Variants in TBPL2 observed in about 807,000 individuals in gnomAD.
TBPL2 encodes TATA box-binding protein-like 2.
Under a neutral mutation model 38.2 loss-of-function variants are expected in TBPL2, and 40 were observed. The observed-to-expected ratio is 1.05, with a 90% CI of 0.81 to 1.36. The LOEUF (loss-of-function observed/expected upper bound fraction) is 1.36. Among genes scored for constraint, TBPL2 ranks in the 40% most tolerant of loss-of-function variants. The probability of loss-of-function intolerance (pLI) is 0.00; values close to 1 mark genes in which losing one functional copy is unlikely to be tolerated. For missense variants in TBPL2, 461 were observed against 456.7 expected (o/e 1.01, Z -0.09); for synonymous variants, 169 against 171.7 (o/e 0.98, Z 0.12).
intron 1 of TBPL2, among the ~76,000 whole-genome samples, chr14:55,437,247 C>T (rs1886031752): frequency 6.6e-6 from 1 of 152,242 alleles, no homozygotes; most frequent in African/African-American, 2.4e-5. Flanking sequence ...AAGGCTGAGG[C>T]AGGCGGATGG....
Position 55,422,169 on chromosome 14 carries a change from A to G in TBPL2, c.1051+1990T>C, listed in dbSNP as rs145822735. Among the ~76,000 whole-genome samples the G allele has an allele frequency of 7.8e-3, 1,186 of 152,318 alleles. 9 individuals are homozygous for G. The highest frequency in any genetic ancestry group is 0.022 in the African/African-American group (917 of 41,560). On this transcript the variant is annotated intron_variant, in intron 6 of 6. Coordinates refer to ENST00000247219, the Ensembl canonical transcript of TBPL2. ...CAAAAGGAGTCATCCAAAATTAATG[A>G]GAAGATATGTAGCGTTAAGTTGGTT...
At chr14:55,429,242 T>C (rs1271437262) in intron 4 of TBPL2, among the ~76,000 whole-genome samples, 1 of 152,248 alleles carries the variant, frequency 6.6e-6, no homozygotes, top group Non-Finnish European at 1.5e-5. Flanking sequence ...TACTTTTACT[T>C]GGGTGTTATT....
chr14:55,429,012 G>A (rs775437856), intron 4 of TBPL2, 38 bp from the exon 5 acceptor site: 11 of 1,607,054 alleles, frequency 6.8e-6, no homozygotes, highest in South Asian at 3.3e-5. Flanking sequence ...TGTCTTAATC[G>A]CTACATCCTC....
intron 4 of TBPL2, among the ~76,000 whole-genome samples, chr14:55,430,375 A>G (rs985887771): frequency 7.9e-5 from 11 of 139,616 alleles, no homozygotes; most frequent in Non-Finnish European, 1.4e-4. Flanking sequence ...ACCTCATTTA[A>G]TGTTGATTCT....
intron 4 of TBPL2, among the ~76,000 whole-genome samples, chr14:55,430,848 A>G (rs764576043): frequency 1.3e-5 from 2 of 152,184 alleles, no homozygotes; most frequent in Non-Finnish European, 2.9e-5. Context: ...TTTGAACTAC[A>G]TTTTGCCTAA....
chr14:55,432,045 C>T (rs369927805), intron 4 of TBPL2, among the ~76,000 whole-genome samples: 1 of 151,902 alleles, frequency 6.6e-6, no homozygotes, highest in African/African-American at 2.4e-5. Context: ...AAGGGCAAAG[C>T]CAAATGTAGA....
intron 6 of TBPL2, among the ~76,000 whole-genome samples, chr14:55,420,768 G>T (rs1885729756): frequency 6.6e-6 from 1 of 152,074 alleles, no homozygotes; most frequent in South Asian, 2.1e-4. Flanking sequence ...CTTTTTAAAA[G>T]AAATTTGGGG....
At chr14:55,425,247 C>T (rs1594790960) in intron 5 of TBPL2, among the ~76,000 whole-genome samples, 1 of 152,102 alleles carries the variant, frequency 6.6e-6, no homozygotes, top group East Asian at 1.9e-4. Context: ...CTGCAGGGAG[C>T]CTGTCAAGAC....
At chr14:55,439,930 C>CAAAAAAAAAAAAAAAAA (rs71131272) in intron 1 of TBPL2, among the ~76,000 whole-genome samples, 16 of 39,166 alleles carry the variant, frequency 4.1e-4, no homozygotes, top group East Asian at 2.5e-3. Context: ...GACTCTGTCT[C>CAAAAAAAAAAAAAAAAA]AAAAAAAAAA....
intron 3 of TBPL2, among the ~76,000 whole-genome samples, 167 bp downstream of exon 3, chr14:55,435,680 G>A (rs1236959614): frequency 6.6e-6 from 1 of 152,124 alleles, no homozygotes; most frequent in East Asian, 1.9e-4. Context: ...TAAAGAATGA[G>A]ATTATTTTTT....
At chr14:55,424,002 A>G (rs1885782850) in intron 6 of TBPL2, among the ~76,000 whole-genome samples, 157 bp downstream of exon 6, 1 of 152,210 alleles carries the variant, frequency 6.6e-6, no homozygotes, top group South Asian at 2.1e-4. Flanking sequence ...AGGTACTGGG[A>G]CCTATGGGTG....
intron 1 of TBPL2, among the ~76,000 whole-genome samples, chr14:55,438,523 C>T (rs911494244): frequency 3.3e-5 from 5 of 152,154 alleles, no homozygotes; most frequent in African/African-American, 9.7e-5. Context: ...CCGCAATTTA[C>T]GCTAAAGCAC....
At chr14:55,427,015 C>T (rs1483386052) in intron 5 of TBPL2, among the ~76,000 whole-genome samples, 1 of 152,130 alleles carries the variant, frequency 6.6e-6, no homozygotes, top group East Asian at 1.9e-4. Context: ...CCTTAGAGTT[C>T]GGGCAGAGCT....
rs377523629 is a variant in TBPL2, at chr14:55,438,821, CTCT to C, written c.150+1572_150+1574del. 26 of 151,216 alleles carry C rather than the reference CTCT, an allele frequency of 1.7e-4. 1 individual carries two copies. The highest frequency in any genetic ancestry group is 6.1e-4 in the African/African-American group (25 of 41,138). The allele number at this position is 151,216 out of a possible 1,614,324, so 9.4% of individuals were successfully genotyped here. On this transcript the variant is annotated intron_variant, in intron 1 of 6. Coordinates refer to ENST00000247219, the Ensembl canonical transcript of TBPL2. ...TTTCTCAGAACCTTTCCTGTCTGGG[CTCT>C]TCTTTGCTGTGTTAAATGCTAGGGA...
intron 5 of TBPL2, among the ~76,000 whole-genome samples, chr14:55,425,140 G>A (rs1330054354): frequency 6.6e-6 from 1 of 152,180 alleles, no homozygotes; most frequent in Non-Finnish European, 1.5e-5. Context: ...ACCTTTTACT[G>A]GCTCCAGAAA....
intron 4 of TBPL2, among the ~76,000 whole-genome samples, chr14:55,432,444 C>CAAAAAAAAACACA (rs371752274): frequency 2.2e-4 from 33 of 147,516 alleles, no homozygotes; most frequent in South Asian, 1.5e-3. Context: ...AAACAAACAA[C>CAAAAAAAAACACA]AAAAAAAACA....
intron 4 of TBPL2, among the ~76,000 whole-genome samples, chr14:55,431,102 C>A (rs553629644): frequency 1.3e-5 from 2 of 152,196 alleles, no homozygotes; most frequent in East Asian, 1.9e-4. Context: ...ACTTTTCCTA[C>A]GCAAACACAG....
rs544659361 is a variant in TBPL2 at position 55,433,572 on chromosome 14, C to T, written c.788+58G>A. The T allele has an allele frequency of 9.3e-6, 14 of 1,505,982 alleles. No homozygotes were observed. The East Asian group carries it at 2.9e-4, about 32-fold the overall frequency. The allele number at this position is 1,505,982 out of a possible 1,614,324, so 93.3% of individuals were successfully genotyped here. Reference sequence around the variant, plus strand: ...GCTTTAGCACATTAATTCTATGCTTCCTTGTTTTACATACTAAATTGTTTC... The same window carrying T: ...GCTTTAGCACATTAATTCTATGCTTTCTTGTTTTACATACTAAATTGTTTC... On this transcript the variant is annotated intron_variant, in intron 4 of 6. Transcript: ENST00000247219.
chr14:55,437,167 T>C (rs1445801620), intron 1 of TBPL2, 149 bp from the exon 2 acceptor site: 7 of 688,998 alleles, frequency 1.0e-5, no homozygotes, highest in South Asian at 1.9e-5. Flanking sequence ...TGCTTTTTTC[T>C]AGAAAATGCC....
Sources: allele counts gnomAD v4.1 joint callset (sites outside exome capture counted in the v4.1 genomes callset), GRCh38; gene constraint gnomAD v4.1.1; transcripts MANE v1.5; gene names NCBI Gene and HGNC (gene_info 2026-07-23, HGNC 2026-07-21).